PSMD4: variants seen among roughly 807,000 people sequenced by gnomAD.
The protein encoded by PSMD4 is 26S proteasome non-ATPase regulatory subunit 4.
In PSMD4, 5 loss-of-function variants were observed where a neutral mutation model predicts 39.7. The ratio of observed to expected loss-of-function variants is 0.13; its 90% CI spans 0.07 to 0.26. The LOEUF (loss-of-function observed/expected upper bound fraction) is 0.26. Among genes scored for constraint, PSMD4 ranks in the 10% least tolerant of loss-of-function variants. The pLI is 1.00. For missense variants in PSMD4, 272 were observed against 486.1 expected, an observed-to-expected ratio of 0.56 and a Z score of 4.14; for synonymous variants, 143 against 174.6, an observed-to-expected ratio of 0.82 and a Z score of 1.43.
At chr1:151,263,712 T>G in intron 2 of PSMD4, 1 of 343,710 alleles carries the variant, frequency 2.9e-6, no homozygotes, top group Non-Finnish European at 5.4e-6. Flanking sequence ...GTGCCCGTAG[T>G]CCCAGCTACT....
intron 1 of PSMD4, among the ~76,000 whole-genome samples, chr1:151,256,539 A>C (rs1033219023): frequency 2.0e-5 from 3 of 149,452 alleles, no homozygotes; most frequent in Non-Finnish European, 3.0e-5. Flanking sequence ...CCCTGGTTCA[A>C]GTGATTCTCC....
chr1:151,265,378 G>T lies in PSMD4; in HGVS notation c.439-16G>T. 6.2e-7 allele frequency: 1 copy of T among 1,613,584 alleles called. No homozygotes were observed. The highest frequency in any genetic ancestry group is 8.5e-7 in the Non-Finnish European group (1 of 1,179,480). On this transcript the variant is annotated splice_polypyrimidine_tract_variant and intron_variant, in intron 5 of 9. Coordinates refer to ENST00000368884, the MANE Select transcript of PSMD4 (RefSeq NM_002810.4). ...CAAGGCCTGAAGAAGGGCATCATGT[G>T]TTCTTTCCTCCCCAGGAGGTGAACA...
intron 1 of PSMD4, among the ~76,000 whole-genome samples, chr1:151,257,300 G>A (rs1693198029): frequency 1.3e-5 from 2 of 152,216 alleles, no homozygotes; most frequent in African/African-American, 4.8e-5. Flanking sequence ...TGGTCTCTGT[G>A]CCTGTTTTTG....
At chr1:151,259,509 T>C (rs1204863992) in intron 1 of PSMD4, among the ~76,000 whole-genome samples, 2 of 151,602 alleles carry the variant, frequency 1.3e-5, no homozygotes, top group Non-Finnish European at 2.9e-5. Context: ...TAATTACTTC[T>C]CTTTACCATT....
At chr1:151,264,359 G>T (rs1693380634) in intron 3 of PSMD4, among the ~76,000 whole-genome samples, 1 of 144,106 alleles carries the variant, frequency 6.9e-6, no homozygotes, top group Admixed American at 7.0e-5. Context: ...AAAAAAAAAG[G>T]CCGGGCGCGG....
intron 1 of PSMD4, among the ~76,000 whole-genome samples, chr1:151,256,652 G>A (rs1302958320): frequency 6.6e-6 from 1 of 150,644 alleles, no homozygotes; most frequent in African/African-American, 2.4e-5. Flanking sequence ...GGCCAGGCTA[G>A]TCTCAAACTG....
intron 1 of PSMD4, 92 bp downstream of exon 1, chr1:151,254,900 C>T (rs1473019010): frequency 5.8e-6 from 8 of 1,379,298 alleles, no homozygotes; most frequent in African/African-American, 1.5e-5. Flanking sequence ...GGGCCAGGGG[C>T]TCATGGGCGA....
chr1:151,259,662 G>T (rs1046350320), intron 1 of PSMD4, among the ~76,000 whole-genome samples: 3 of 152,162 alleles, frequency 2.0e-5, no homozygotes, highest in Non-Finnish European at 2.9e-5. Flanking sequence ...GCCAAGGCAG[G>T]AGGACTACAT....
At chr1:151,256,364 A>AAAATAAAT (rs1161718731) in intron 1 of PSMD4, among the ~76,000 whole-genome samples, 2 of 45,638 alleles carry the variant, frequency 4.4e-5, no homozygotes, top group Admixed American at 1.9e-4. Flanking sequence ...AAATAATAAT[A>AAAATAAAT]AAATAAATAA....
Position 151,254,779 on chromosome 1 carries a change from C to T in PSMD4, c.-4C>T. Reference sequence around the variant, plus strand: ...ACCCGGTCGGGAGGGAGGAAGGTGGCAAGATGGTGTTGGAAAGCACTATGG... The same window carrying T: ...ACCCGGTCGGGAGGGAGGAAGGTGGTAAGATGGTGTTGGAAAGCACTATGG... On this transcript the variant is annotated 5_prime_UTR_variant, in exon 1 of 10. Coordinates refer to ENST00000368884, the MANE Select transcript of PSMD4 (RefSeq NM_002810.4). The T allele has an allele frequency of 6.4e-7, 1 of 1,562,022 alleles. No homozygotes were observed. The highest frequency in any genetic ancestry group is 8.7e-7 in the Non-Finnish European group (1 of 1,154,876).
At chr1:151,258,406 A>T (rs1202075856) in intron 1 of PSMD4, among the ~76,000 whole-genome samples, 2 of 144,490 alleles carry the variant, frequency 1.4e-5, no homozygotes, top group African/African-American at 5.1e-5. Context: ...CCTGCTGTTG[A>T]TGTGACTGCC....
chr1:151,256,603 T>TAA (rs1693177806), intron 1 of PSMD4, among the ~76,000 whole-genome samples: 1 of 148,190 alleles, frequency 6.7e-6, no homozygotes, highest in African/African-American at 2.5e-5. Flanking sequence ...CACGCCCAGC[T>TAA]TTTTTGTATT....
In PSMD4 at chr1:151,254,763, G is replaced by T; in HGVS notation, c.-20G>T. Reference sequence around the variant, plus strand: ...TTAGGCCGTCCCGGAGACCCGGTCGGGAGGGAGGAAGGTGGCAAGATGGTG... The same window carrying T: ...TTAGGCCGTCCCGGAGACCCGGTCGTGAGGGAGGAAGGTGGCAAGATGGTG... On this transcript the variant is annotated 5_prime_UTR_variant, in exon 1 of 10. Coordinates refer to ENST00000368884, the MANE Select transcript of PSMD4 (RefSeq NM_002810.4). The T allele has an allele frequency of 6.4e-7, 1 of 1,559,988 alleles. No individual in the cohort carries two copies. The highest frequency in any genetic ancestry group is 1.2e-5 in the South Asian group (1 of 84,570).
chr1:151,258,080 G>T (rs948448641), intron 1 of PSMD4, among the ~76,000 whole-genome samples: 3 of 151,912 alleles, frequency 2.0e-5, no homozygotes, highest in Non-Finnish European at 4.4e-5. Flanking sequence ...CTGGAGTGCA[G>T]TGGCGCCATC....
rs144515450 is a variant in PSMD4, at chr1:151,265,195, G to A, written c.399G>A (p.Lys133=). 1,769 of 1,613,624 alleles carry A rather than the reference G, an allele frequency of 1.1e-3. 37 individuals carry two copies. The South Asian group carries it at 0.018, about 17-fold the overall frequency. ...TGAAACTGGCTAAACGCCTCAAGAA[G>A]GAGAAAGTAAATGTTGACATTATCA... ...DLVKLAKRLK[K]EKVNVDIINF... is the part of the protein sequence containing the mutation. The change falls in exon 5 of 10, where the codon AAG becomes AAA. Residue 133 remains lysine, a synonymous_variant. Coordinates refer to ENST00000368884, the MANE Select transcript of PSMD4 (RefSeq NM_002810.4).
chr1:151,264,610 C>CAA (rs374275752), intron 3 of PSMD4, among the ~76,000 whole-genome samples: 2 of 126,706 alleles, frequency 1.6e-5, no homozygotes. Context: ...GACTCCATCT[C>CAA]AAAAAAAAAA....
chr1:151,256,396 A>T (rs1449842720), intron 1 of PSMD4, among the ~76,000 whole-genome samples: 1 of 149,852 alleles, frequency 6.7e-6, no homozygotes, highest in African/African-American at 2.4e-5. Flanking sequence ...AATAAATAAA[A>T]ATAAAGTGTC....
intron 6 of PSMD4, among the ~76,000 whole-genome samples, 183 bp from the exon 7 acceptor site, chr1:151,265,821 C>T (rs776400490): frequency 3.9e-5 from 6 of 152,208 alleles, no homozygotes; most frequent in Admixed American, 2.0e-4. Flanking sequence ...CTGATGAAAA[C>T]CGAGGCTTCT....
Position 151,262,156 on chromosome 1 carries a change from G to T in PSMD4, c.27-5G>T. 1 of 1,614,072 alleles carries T rather than the reference G, an allele frequency of 6.2e-7. No individual in the cohort carries two copies. Among genetic ancestry groups the T allele is most frequent in the South Asian group, 1.1e-5 (1 of 91,050 alleles). ...CTCTCTTGTCCTTCAACCCTAATCT[G>T]ACAGTGTGGACAACAGTGAGTATAT... On this transcript the variant is annotated splice_region_variant and splice_polypyrimidine_tract_variant and intron_variant, in intron 1 of 9. Transcript: ENST00000368884.
Sources: allele counts gnomAD v4.1 joint callset (sites outside exome capture counted in the v4.1 genomes callset), GRCh38; gene constraint gnomAD v4.1.1; transcripts MANE v1.5; gene names NCBI Gene and HGNC (gene_info 2026-07-23, HGNC 2026-07-21).